The following EED variants were observed in gnomAD, a reference collection of about 807,000 sequenced individuals.
The protein encoded by EED is polycomb protein EED.
In EED, 9 loss-of-function variants were observed where a neutral mutation model predicts 61.0. The ratio of observed to expected loss-of-function variants is 0.15; its 90% CI spans 0.09 to 0.26. The LOEUF is 0.26. Ranked by LOEUF, EED falls within the 10% of genes least tolerant of loss-of-function variation. EED has a pLI of 1.00. For synonymous variants in EED, 187 were observed against 174.4 expected, an observed-to-expected ratio of 1.07 and a Z score of -0.57; for missense variants, 315 against 542.3, an observed-to-expected ratio of 0.58 and a Z score of 4.16.
chr11:86,257,303 TG>T (rs1466382854), intron 5 of EED, among the ~76,000 whole-genome samples: 1 of 151,226 alleles, frequency 6.6e-6, no homozygotes, highest in African/African-American at 2.4e-5. Context: ...CCAAAGTGCT[TG>T]GATTAAAAAC....
At chr11:86,278,992 G>A (rs946757605), downstream of EED, among the ~76,000 whole-genome samples, 3 of 152,140 alleles carry the variant, frequency 2.0e-5, no homozygotes, top group Non-Finnish European at 2.9e-5. Context: ...TTGCCTTGGG[G>A]TTATTGTGAG....
chr11:86,260,781 A>G (rs1296850710), intron 6 of EED, among the ~76,000 whole-genome samples: 3 of 152,222 alleles, frequency 2.0e-5, no homozygotes, highest in African/African-American at 7.2e-5. Flanking sequence ...CCATCAAATT[A>G]GGTTATTTAA....
chr11:86,245,647 C>T (rs1347498583), intron 1 of EED, among the ~76,000 whole-genome samples: 1 of 151,586 alleles, frequency 6.6e-6, no homozygotes, highest in Admixed American at 6.6e-5. Flanking sequence ...GGGGAGAGTG[C>T]GGGTCTGAGA....
chr11:86,273,536 A>T (rs1295454886), intron 9 of EED, among the ~76,000 whole-genome samples: 1 of 152,064 alleles, frequency 6.6e-6, no homozygotes, highest in East Asian at 1.9e-4. Context: ...TTCTTAATTA[A>T]TTTTCTTTCT....
rs2138191056 is a variant in EED at position 86,264,262 on chromosome 11, C to T, written c.725C>T (p.Ala242Val). Residue 242 changes from alanine (A) to valine (V), a missense_variant and splice_region_variant, in exon 7 of 12, where the codon GCT becomes GTT. Around this residue, in one of 2 missense-constraint regions of EED, gnomAD observed 205 missense variants for 455.4 expected, o/e 0.45. Coordinates refer to ENST00000263360, the MANE Select transcript of EED (RefSeq NM_003797.5). ...GGGCACAGAGATGAAGTTCTAAGTG[C>T]TGTAAGTTGGAAACTGCAGGGCAAT... The part of the protein sequence containing the change: ...VEGHRDEVLS[A>V]DYDLLGEKIM... The T allele has an allele frequency of 6.2e-7, 1 of 1,612,306 alleles. No homozygotes were observed. The highest frequency in any genetic ancestry group is 2.2e-5 in the East Asian group (1 of 44,858).
rs1945340817 is a variant in EED, at chr11:86,244,827, G to A, written c.-403G>A. On this transcript the variant is annotated 5_prime_UTR_variant, in exon 1 of 12. Coordinates refer to ENST00000263360, the MANE Select transcript of EED (RefSeq NM_003797.5). ...GGCCAATTGCGGCTGAAACGTCTTTGGAAGGAGGAAGGGGGTGAGGGAGCA... is the reference window on the plus strand; with the variant it reads ...GGCCAATTGCGGCTGAAACGTCTTTAGAAGGAGGAAGGGGGTGAGGGAGCA... 4.1e-6 allele frequency: 1 copy of A among 241,810 alleles called. No homozygotes were observed. Among genetic ancestry groups the A allele is most frequent in the Non-Finnish European group, 8.1e-6 (1 of 123,566 alleles). 15.0% of individuals were successfully genotyped at this position (241,810 alleles called of 1,614,324 possible).
At chr11:86,250,209 G>A (rs187653217) in intron 1 of EED, 87 bp from the exon 2 acceptor site, 7 of 1,220,794 alleles carry the variant, frequency 5.7e-6, no homozygotes, top group Non-Finnish European at 7.5e-6. Flanking sequence ...TTTCTCTTAG[G>A]TCAGTCAGCA....
At chr11:86,253,695 T>A (rs1945592589) in intron 3 of EED, among the ~76,000 whole-genome samples, 1 of 151,960 alleles carries the variant, frequency 6.6e-6, no homozygotes, top group African/African-American at 2.4e-5. Flanking sequence ...TCTTCAGAGG[T>A]CTTCAGTACT....
chr11:86,253,845 C>T (rs12284085), intron 3 of EED, among the ~76,000 whole-genome samples: 53,504 of 151,516 alleles, frequency 0.35, 9,897 homozygotes, highest in Non-Finnish European at 0.41. Flanking sequence ...CTCAGGAGTT[C>T]GAGACCAGCC....
Position 86,245,236 on chromosome 11 carries a change from G to C in EED, c.7G>C (p.Glu3Gln), listed in dbSNP as rs1310112307. 2.5e-6 allele frequency: 4 copies of C among 1,613,140 alleles called. No individual in the cohort carries two copies. Among genetic ancestry groups the C allele is most frequent in the East Asian group, 2.2e-5 (1 of 44,678 alleles). Residue 3 changes from glutamate to glutamine, a missense_variant, in exon 1 of 12, where the codon GAG becomes CAG. By Grantham distance (29) the Glu-to-Gln change is conservative. Transcript: ENST00000263360. ...TGGAGGGAGGCGGAGGAATATGTCCGAGAGGGAAGTGTCGACTGCGCCGGC... is the reference window on the plus strand; with the variant it reads ...TGGAGGGAGGCGGAGGAATATGTCCCAGAGGGAAGTGTCGACTGCGCCGGC... MS[E>Q]REVSTAPAGT...
intron 5 of EED, among the ~76,000 whole-genome samples, 175 bp from the exon 6 acceptor site, chr11:86,257,340 C>CTTTT (rs374892814): frequency 9.8e-6 from 1 of 101,812 alleles, no homozygotes; most frequent in Admixed American, 9.6e-5. Flanking sequence ...TGCCTGGGGT[C>CTTTT]TTTTTTTTTT....
At chr11:86,267,850 G>T (rs1175672707) in intron 8 of EED, 4 of 145,586 alleles carry the variant, frequency 2.7e-5, no homozygotes, top group African/African-American at 1.0e-4. Flanking sequence ...CCTGACCTCA[G>T]ATGATCCACC....
intron 6 of EED, among the ~76,000 whole-genome samples, chr11:86,258,547 G>GT (rs1378997383): frequency 6.7e-5 from 9 of 134,770 alleles, no homozygotes; most frequent in South Asian, 2.4e-4. Context: ...TCTTTTCTTT[G>GT]TTTTTTGGTT....
intron 11 of EED, 102 bp from the exon 12 acceptor site, chr11:86,278,297 G>C (rs761209361): frequency 2.0e-6 from 3 of 1,469,616 alleles, no homozygotes; most frequent in Non-Finnish European, 1.8e-6. Flanking sequence ...AGTGCTTTTC[G>C]TATGACTTGG....
downstream of EED, among the ~76,000 whole-genome samples, chr11:86,283,388 C>G (rs1285679789): frequency 6.6e-6 from 1 of 152,178 alleles, no homozygotes; most frequent in Non-Finnish European, 1.5e-5. Context: ...TGTACTTTCT[C>G]CTTGTTTTGT....
chr11:86,245,193 C>G lies in EED; in HGVS notation c.-37C>G. On this transcript the variant is annotated 5_prime_UTR_variant, in exon 1 of 12. Coordinates refer to ENST00000263360, the MANE Select transcript of EED (RefSeq NM_003797.5). Reference sequence around the variant, plus strand: ...TGACGGCGGTGTGGCGGAGGCCCCGCCCCAGGCGGCAGGAACCTGGAGGGA... The same window carrying G: ...TGACGGCGGTGTGGCGGAGGCCCCGGCCCAGGCGGCAGGAACCTGGAGGGA... The G allele has an allele frequency of 6.3e-7, 1 of 1,579,510 alleles. No individual in the cohort carries two copies. The highest frequency in any genetic ancestry group is 8.7e-7 in the Non-Finnish European group (1 of 1,155,166).
chr11:86,269,007 C>T (rs999437605), intron 9 of EED, among the ~76,000 whole-genome samples: 1 of 152,078 alleles, frequency 6.6e-6, no homozygotes, highest in Admixed American at 6.5e-5. Context: ...TACAGATGCT[C>T]CTCAACTTAT....
intron 9 of EED, 33 bp downstream of exon 9, chr11:86,268,594 C>A (rs949786104): frequency 1.2e-6 from 1 of 819,596 alleles, no homozygotes; most frequent in Non-Finnish European, 1.9e-6. Context: ...GTACTTCCAT[C>A]GTGTGTGTGT....
At chr11:86,246,951 C>G (rs78239858) in intron 1 of EED, among the ~76,000 whole-genome samples, 6,039 of 152,090 alleles carry the variant, frequency 0.04, 151 homozygotes, top group Middle Eastern at 0.071. Context: ...GAGTGTCTGC[C>G]CCATAGTAAG....
Sources: allele counts gnomAD v4.1 joint callset (sites outside exome capture counted in the v4.1 genomes callset), GRCh38; gene constraint gnomAD v4.1.1; regional missense constraint gnomAD v4.1.1; transcripts MANE v1.5; gene names NCBI Gene and HGNC (gene_info 2026-07-23, HGNC 2026-07-21).